EPHB4: variants seen among roughly 807,000 people sequenced by gnomAD.
EPHB4 encodes the protein EPH receptor B4, also known as ephrin type-B receptor 4.
EPHB4 carries 50 observed loss-of-function variants against 110.6 expected under a neutral mutation model. That is an observed-to-expected ratio of 0.45 (90% CI 0.36 to 0.57). The LOEUF (loss-of-function observed/expected upper bound fraction) is 0.57. Ranked by LOEUF, EPHB4 falls within the 20% of genes least tolerant of loss-of-function variation. The pLI is 0.00. For missense variants in EPHB4, 1,128 were observed against 1,382.1 expected, an observed-to-expected ratio of 0.82 and a Z score of 2.91; for synonymous variants, 592 against 578.4, an observed-to-expected ratio of 1.02 and a Z score of -0.34.
chr7:100,807,375 G>C lies in EPHB4; in HGVS notation c.2324C>G (p.Thr775Arg). 6.2e-7 allele frequency: 1 copy of C among 1,613,702 alleles called. No individual in the cohort carries two copies. Among genetic ancestry groups the C allele is most frequent in the Non-Finnish European group, 8.5e-7 (1 of 1,179,902 alleles). ...TACCCCCAGCATTACCAGGGAGCTC[G>C]TGTAGGTGGGATCGGAAGAGTTCTC... The part of the protein sequence containing the change: ...LEENSSDPTY[T>R]SSLGGKIPIR... The change falls in exon 13 of 17, where the codon ACG (threonine) becomes AGG (arginine). Residue 775 changes from threonine to arginine, a missense_variant. This residue lies in a region of EPHB4 where 191 missense variants were observed against 313.0 expected (regional missense o/e 0.61). Transcript: ENST00000358173.
Position 100,813,725 on chromosome 7 carries a change from G to A in EPHB4, c.1692-9C>T, listed in dbSNP as rs769412394. 1.1e-5 allele frequency: 18 copies of A among 1,614,004 alleles called. No individual in the cohort carries two copies. Among genetic ancestry groups the A allele is most frequent in the African/African-American group, 6.7e-5 (5 of 74,892 alleles). ...TCCCATTGCTCTGCTTCCTGTAGCCGATGGGAAAGGAACAAAAGGTAAACT... is the reference window on the plus strand; with the variant it reads ...TCCCATTGCTCTGCTTCCTGTAGCCAATGGGAAAGGAACAAAAGGTAAACT... On this transcript the variant is annotated splice_polypyrimidine_tract_variant and intron_variant, in intron 9 of 16. Transcript: ENST00000358173.
Position 100,819,746 on chromosome 7 carries a change from AGGAGCCTCC to A in EPHB4, c.1099_1107del (p.Gly367_Ser369del). The A allele has an allele frequency of 2.5e-6, 4 of 1,608,636 alleles. No homozygotes were observed. Among genetic ancestry groups the A allele is most frequent in the Non-Finnish European group, 3.4e-6 (4 of 1,177,882 alleles). ...GTCAGGTCTCCCCCGCAGGGCGCAC[AGGAGCCTCC>A]GGGTCGGCACTCCCGGCAGCGGAGG... On this transcript the variant is annotated inframe_deletion, in exon 6 of 17. Coordinates refer to ENST00000358173, the MANE Select transcript of EPHB4 (RefSeq NM_004444.5).
At position 100,823,890 on chromosome 7, in the gene EPHB4, C is replaced by T; in HGVS notation, c.165G>A (p.Val55=). Residue 55 remains valine, a synonymous_variant, in exon 3 of 17, where the codon GTG becomes GTA. Coordinates refer to ENST00000358173, the MANE Select transcript of EPHB4 (RefSeq NM_004444.5). ...GCACGTCACACACTTCGTAGGTGCG[C>T]ACGCTGTGCTGTTCCTCATCCAGGC... is the stretch of plus-strand genomic sequence containing the variant. ...LSGLDEEQHS[V]RTYEVCDVQR... The T allele has an allele frequency of 6.2e-7, 1 of 1,606,574 alleles. No individual in the cohort carries two copies. Among genetic ancestry groups the T allele is most frequent in the Non-Finnish European group, 8.5e-7 (1 of 1,176,938 alleles).
chr7:100,807,595 G>A lies in EPHB4; in HGVS notation c.2119-15C>T. 1 of 1,609,944 alleles carries A rather than the reference G, an allele frequency of 6.2e-7. No homozygotes were observed. The highest frequency in any genetic ancestry group is 8.5e-7 in the Non-Finnish European group (1 of 1,176,830). On this transcript the variant is annotated splice_polypyrimidine_tract_variant and intron_variant, in intron 12 of 16. Coordinates refer to ENST00000358173, the MANE Select transcript of EPHB4 (RefSeq NM_004444.5). ...CCGTCGTTTAGCTGGAGAGCAGATA[G>A]GGTGGGGGCTTGGTGAGGACAGCCC...
Position 100,818,629 on chromosome 7 carries a change from G to A in EPHB4, c.1313C>T (p.Ser438Phe), listed in dbSNP as rs1813143076. The A allele has an allele frequency of 8.1e-6, 13 of 1,610,338 alleles. No homozygotes were observed. In the East Asian group the frequency reaches 2.9e-4, roughly 36 times the overall value. Reference protein sequence around the residue: ...TTDREVPPAVSDIRVTRSSPS... With the variant: ...TTDREVPPAVFDIRVTRSSPS... ...TGAGGACCGCGTCACCCGGATGTCA[G>A]ACACTGCAGGAGGTACTGTGAGAGG... Residue 438 changes from serine to phenylalanine, a missense_variant, in exon 7 of 17, where the codon TCT becomes TTT. Around this residue, in one of 3 missense-constraint regions of EPHB4, gnomAD observed 728 missense variants for 828.6 expected, o/e 0.88. Coordinates refer to ENST00000358173, the MANE Select transcript of EPHB4 (RefSeq NM_004444.5).
Position 100,819,866 on chromosome 7 carries a change from C to A in EPHB4, c.988G>T (p.Val330Leu), listed in dbSNP as rs1295059691. ...CTTPPSAPRS[V>L]VSRLNGSSLH... ...GAGGAGCCGTTCAGGCGGGAAACCA[C>A]GCTCCGCGGAGCCGAAGGAGGGGCT... is the stretch of plus-strand genomic sequence containing the variant. Residue 330 changes from valine to leucine, a missense_variant, in exon 6 of 17, where the codon GTG becomes TTG. By Grantham distance (32) the Val-to-Leu change is conservative. This residue lies in a region of EPHB4 where 728 missense variants were observed against 828.6 expected (regional missense o/e 0.88). Transcript: ENST00000358173. 1.4e-5 allele frequency: 21 copies of A among 1,548,650 alleles called. No homozygotes were observed. The highest frequency in any genetic ancestry group is 1.7e-4 in the Middle Eastern group (1 of 5,736).
rs1200598391 is a variant in EPHB4, at chr7:100,812,913, C to T, written c.1952G>A (p.Gly651Asp). The T allele has an allele frequency of 1.2e-6, 2 of 1,614,232 alleles. No homozygotes were observed. Among genetic ancestry groups the T allele is most frequent in the Admixed American group, 1.7e-5 (1 of 60,026 alleles). Residue 651 changes from glycine (G) to aspartate (D), a missense_variant, in exon 12 of 17, where the codon GGT becomes GAT. This residue lies in a region of EPHB4 where 191 missense variants were observed against 313.0 expected (regional missense o/e 0.61). Transcript: ENST00000358173. ...ACGCCGCTGCCGCTCCGTGTAGCCA[C>T]CCTTCAGGGTCTTGATTGCCACACA... Reference protein sequence around the residue: ...ESCVAIKTLKGGYTERQRREF... With the variant: ...ESCVAIKTLKDGYTERQRREF...
Position 100,817,750 on chromosome 7 carries a change from G to C in EPHB4, c.1423-393C>G, listed in dbSNP as rs976872726. 3.3e-5 allele frequency among the ~76,000 whole-genome samples: 5 copies of C among 150,788 alleles called. 1 individual carries two copies. The East Asian group carries it at 7.8e-4, about 24-fold the overall frequency. ...TCACCTTGTTGGCCAGGCTGGTCTC[G>C]AACTCTTCACCCCAGGTGTTCTACC... is the stretch of plus-strand genomic sequence containing the variant. On this transcript the variant is annotated intron_variant, in intron 7 of 16. Coordinates refer to ENST00000358173, the MANE Select transcript of EPHB4 (RefSeq NM_004444.5).
intron 16 of EPHB4, 141 bp from the exon 17 acceptor site, chr7:100,803,731 T>G: frequency 8.8e-7 from 1 of 1,138,044 alleles, no homozygotes. Flanking sequence ...ATGTCAACAG[T>G]TCCCGGGCAG....
Position 100,822,630 on chromosome 7 carries a change from C to G in EPHB4, c.449G>C (p.Arg150Pro). The G allele has an allele frequency of 6.3e-7, 1 of 1,595,426 alleles. No individual in the cohort carries two copies. The highest frequency in any genetic ancestry group is 1.1e-5 in the South Asian group (1 of 89,660). ...TVAAEHLTRK[R>P]PGAEATGKVN... ...CTTCCCGGTGGCCTCGGCCCCAGGG[C>G]GCTTCCGGGTGAGATGCTCCGCGGC... The change falls in exon 4 of 17, where the codon CGC (arginine) becomes CCC (proline). Residue 150 changes from arginine to proline, a missense_variant. Coordinates refer to ENST00000358173, the MANE Select transcript of EPHB4 (RefSeq NM_004444.5). The surrounding 1 kb of genome is among the most constrained non-coding windows in gnomAD (Gnocchi z 4.7).
intron 1 of EPHB4, among the ~76,000 whole-genome samples, chr7:100,826,226 G>A (rs1466704947): frequency 6.6e-6 from 1 of 152,148 alleles, no homozygotes; most frequent in Non-Finnish European, 1.5e-5. Context: ...AGACCAGGAG[G>A]TGGGAGATAG....
At chr7:100,805,922 C>T (rs1196679212) in intron 14 of EPHB4, 1 of 428,060 alleles carries the variant, frequency 2.3e-6, no homozygotes, top group African/African-American at 2.0e-5. Context: ...TGCCCTCCAT[C>T]TCTGCATCCT....
At position 100,822,516 on chromosome 7, in the gene EPHB4, A is replaced by C; in HGVS notation, c.563T>G (p.Leu188Arg). The C allele has an allele frequency of 6.2e-7, 1 of 1,613,574 alleles. No homozygotes were observed. ...FQDQGACMAL[L>R]SLHLFYKKCA... Reference sequence around the variant, plus strand: ...CTTTTTGTAGAAGAGGTGCAGGGATAGCAGGGCCATGCAGGCACCCTGGTC... The same window carrying C: ...CTTTTTGTAGAAGAGGTGCAGGGATCGCAGGGCCATGCAGGCACCCTGGTC... The change falls in exon 4 of 17, where the codon CTA becomes CGA. Residue 188 changes from leucine (L) to arginine (R), a missense_variant. By Grantham distance (102) the Leu-to-Arg change is moderately radical. Around this residue, in one of 3 missense-constraint regions of EPHB4, gnomAD observed 728 missense variants for 828.6 expected, o/e 0.88. Coordinates refer to ENST00000358173, the MANE Select transcript of EPHB4 (RefSeq NM_004444.5). This position sits in a 1 kb window ranked among gnomAD's most constrained non-coding sequence, Gnocchi z 4.7.
chr7:100,820,159 G>C lies in EPHB4; in HGVS notation c.946C>G (p.Arg316Gly), dbSNP rs1170531953. 6.2e-7 allele frequency: 1 copy of C among 1,613,882 alleles called. No individual in the cohort carries two copies. The highest frequency in any genetic ancestry group is 8.5e-7 in the Non-Finnish European group (1 of 1,179,990). ...CACTTACTGGTGCAGGGTGCACCCC[G>C]GGGGTCTGTGCGTGCCCGGAAGTAC... is the stretch of plus-strand genomic sequence containing the variant. ...VGYFRARTDP[R>G]GAPCTTPPSA... Residue 316 changes from arginine to glycine, a missense_variant, in exon 5 of 17, where the codon CGG (arginine) becomes GGG (glycine). Physicochemically the swap from Arg to Gly is moderately radical, Grantham distance 125. Coordinates refer to ENST00000358173, the MANE Select transcript of EPHB4 (RefSeq NM_004444.5).
Position 100,823,537 on chromosome 7 carries a change from C to G in EPHB4, c.411+107G>C, listed in dbSNP as rs530916314. ...TAAGCCTCCTGCTTCCAGCCCCCAG[C>G]GCGCGGGCCAGAGGCCTCGCAACTA... is the stretch of plus-strand genomic sequence containing the variant. On this transcript the variant is annotated intron_variant, in intron 3 of 16. Coordinates refer to ENST00000358173, the MANE Select transcript of EPHB4 (RefSeq NM_004444.5). The G allele has an allele frequency of 1.4e-6, 2 of 1,397,376 alleles. 1 individual carries two copies. The highest frequency in any genetic ancestry group is 2.7e-5 in the South Asian group (2 of 73,894). The allele number at this position is 1,397,376 out of a possible 1,614,324, so 86.6% of individuals were successfully genotyped here.
chr7:100,802,853 AAC>A lies in EPHB4; in HGVS notation c.*606_*607del, dbSNP rs920086837. The A allele has an allele frequency of 6.6e-6, 1 of 152,236 alleles. No individual in the cohort carries two copies. The highest frequency in any genetic ancestry group is 1.5e-5 in the Non-Finnish European group (1 of 68,052). The allele number at this position is 152,236 out of a possible 1,614,324, so 9.4% of individuals were successfully genotyped here. A position where few individuals can be genotyped will look rare whatever the true frequency, so the allele number is the denominator to read the frequency against. Reference sequence around the variant, plus strand: ...GGCCATAGTGAAACAGGTTCCCTCCAACACAAAGTTATGACAAGGACGGTAGA... The same window carrying A: ...GGCCATAGTGAAACAGGTTCCCTCCAACAAAGTTATGACAAGGACGGTAGA... On this transcript the variant is annotated 3_prime_UTR_variant, in exon 17 of 17. Coordinates refer to ENST00000358173, the MANE Select transcript of EPHB4 (RefSeq NM_004444.5).
intron 1 of EPHB4, among the ~76,000 whole-genome samples, chr7:100,825,795 G>T (rs148896308): frequency 1.3e-3 from 197 of 152,316 alleles, no homozygotes; most frequent in African/African-American, 4.5e-3. Context: ...TCAGGTAATA[G>T]GTGTCACAAT....
At position 100,813,853 on chromosome 7, in the gene EPHB4, G is replaced by A. The variant is rs958892821; in HGVS notation, c.1691+66C>T. ...GGGGACAGCCAGAAAGGCTTGTCCT[G>A]TAGCACCCAGGCAGGTGGCCATCAA... is the stretch of plus-strand genomic sequence containing the variant. On this transcript the variant is annotated intron_variant, in intron 9 of 16. Coordinates refer to ENST00000358173, the MANE Select transcript of EPHB4 (RefSeq NM_004444.5). 1.6e-5 allele frequency: 25 copies of A among 1,606,480 alleles called. No homozygotes were observed. In the Admixed American group the frequency reaches 2.9e-4, roughly 18 times the overall value.
chr7:100,822,588 A>T lies in EPHB4; in HGVS notation c.491T>A (p.Leu164Gln). The T allele has an allele frequency of 6.2e-7, 1 of 1,611,936 alleles. No homozygotes were observed. The highest frequency in any genetic ancestry group is 2.2e-5 in the East Asian group (1 of 44,844). The change falls in exon 4 of 17, where the codon CTG becomes CAG. Residue 164 changes from leucine to glutamine, a missense_variant. Physicochemically the swap from Leu to Gln is moderately radical, Grantham distance 113. This residue lies in a region of EPHB4 where 728 missense variants were observed against 828.6 expected (regional missense o/e 0.88). Coordinates refer to ENST00000358173, the MANE Select transcript of EPHB4 (RefSeq NM_004444.5). This position sits in a 1 kb window ranked among gnomAD's most constrained non-coding sequence, Gnocchi z 4.7. ...EATGKVNVKT[L>Q]RLGPLSKAGF... ...AGCCTTGCTGAGCGGTCCCAGACGC[A>T]GCGTCTTGACATTCACCTTCCCGGT...
Sources: allele counts gnomAD v4.1 joint callset (sites outside exome capture counted in the v4.1 genomes callset), GRCh38; gene constraint gnomAD v4.1.1; regional missense constraint gnomAD v4.1.1; non-coding constraint Gnocchi (gnomAD v3.1); transcripts MANE v1.5; gene names NCBI Gene and HGNC (gene_info 2026-07-23, HGNC 2026-07-21).